A2M: variants seen among roughly 807,000 people sequenced by gnomAD.
A2M encodes the protein C3 and PZP-like alpha-2-macroglobulin domain-containing protein 5.
Under a neutral mutation model 183.9 loss-of-function variants are expected in A2M, and 128 were observed. The ratio of observed to expected loss-of-function variants is 0.70; its 90% confidence interval spans 0.60 to 0.81. A2M has a LOEUF of 0.81. Ranked by LOEUF, A2M falls within the 30% of genes least tolerant of loss-of-function variation. The pLI, the probability that A2M is intolerant of heterozygous loss-of-function variation, is 0.00. For missense variants in A2M, 1,495 were observed against 1,787.6 expected, an observed-to-expected ratio of 0.84 and a Z score of 2.95; for synonymous variants, 592 against 670.8, an observed-to-expected ratio of 0.88 and a Z score of 1.81.
intron 25 of A2M, 94 bp downstream of exon 25, chr12:9,079,150 C>T: frequency 1.1e-6 from 1 of 950,802 alleles, no homozygotes; most frequent in South Asian, 1.6e-5. Flanking sequence ...TCTGATAATA[C>T]ATATCTGATA....
intron 25 of A2M, among the ~76,000 whole-genome samples, chr12:9,078,680 G>A (rs1368278876): frequency 1.3e-5 from 2 of 152,174 alleles, no homozygotes; most frequent in African/African-American, 4.8e-5. Context: ...ATTTTTGTTA[G>A]TTACTTGAGT....
At chr12:9,103,664 T>C (rs1005671070) in intron 11 of A2M, among the ~76,000 whole-genome samples, 6 of 152,198 alleles carry the variant, frequency 3.9e-5, no homozygotes, top group Non-Finnish European at 7.3e-5. Flanking sequence ...TCATACAGTA[T>C]TGGTCTTTTT....
rs902450106 is a variant in A2M at position 9,084,936 on chromosome 12, A to G, written c.2770+4264T>C. 4.6e-5 allele frequency among the ~76,000 whole-genome samples: 7 copies of G among 152,280 alleles called. No homozygotes were observed. In the South Asian group the frequency reaches 6.2e-4, roughly 14 times the overall value. Reference sequence around the variant, plus strand: ...CAAAAACTGTACAAAGAGACAAAGGAGAACATTATATAATGATAAAAGGGT... The same window carrying G: ...CAAAAACTGTACAAAGAGACAAAGGGGAACATTATATAATGATAAAAGGGT... On this transcript the variant is annotated intron_variant, in intron 22 of 35. Transcript: ENST00000318602.
chr12:9,083,043 A>G (rs749864204), intron 22 of A2M, among the ~76,000 whole-genome samples: 4 of 152,304 alleles, frequency 2.6e-5, no homozygotes, highest in African/African-American at 4.8e-5. Flanking sequence ...CAACAGTGTA[A>G]AAGTGTTCCT....
rs941297253 is a variant in A2M, at chr12:9,113,522, G to A, written c.108C>T (p.Pro36=). 2 of 1,613,872 alleles carry A rather than the reference G, an allele frequency of 1.2e-6. No individual in the cohort carries two copies. Among genetic ancestry groups the A allele is most frequent in the Non-Finnish European group, 8.5e-7 (1 of 1,179,896 alleles). The part of the protein sequence containing the change: ...SGKPQYMVLV[P]SLLHTETTEK... ...CAGTGGTCTCAGTGTGGAGCAGGGA[G>A]GGGACCAGAACCATATACTGCCTGG... The change falls in exon 2 of 36, where the codon CCC becomes CCT. Residue 36 remains proline (P), a synonymous_variant. Coordinates refer to ENST00000318602, the MANE Select transcript of A2M (RefSeq NM_000014.6).
In A2M at chr12:9,095,702, T is replaced by G; in HGVS notation, c.1852-2A>C. The G allele has an allele frequency of 6.4e-7, 1 of 1,561,914 alleles. No homozygotes were observed. The highest frequency in any genetic ancestry group is 8.7e-7 in the Non-Finnish European group (1 of 1,155,052). ...CTTTTCTGGTAGCAGGTTGTAAACC[T>G]GTACAAATACGAAAGACAAAAAGGC... On this transcript the variant is annotated splice_acceptor_variant, in intron 15 of 35. Transcript: ENST00000318602. LOFTEE classifies it high-confidence loss of function.
chr12:9,113,538 T>C lies in A2M; in HGVS notation c.92A>G (p.Tyr31Cys). The change falls in exon 2 of 36, where the codon TAT becomes TGT. Residue 31 changes from tyrosine to cysteine, a missense_variant. Coordinates refer to ENST00000318602, the MANE Select transcript of A2M (RefSeq NM_000014.6). Reference protein sequence around the residue: ...TDASVSGKPQYMVLVPSLLHT... With the variant: ...TDASVSGKPQCMVLVPSLLHT... ...GAGCAGGGAGGGGACCAGAACCATA[T>C]ACTGCCTGGGAATGAGACGGTTCAG... is the stretch of plus-strand genomic sequence containing the variant. 1.2e-6 allele frequency: 2 copies of C among 1,613,578 alleles called. No homozygotes were observed. Among genetic ancestry groups the C allele is most frequent in the Non-Finnish European group, 1.7e-6 (2 of 1,179,772 alleles).
intron 5 of A2M, 71 bp from the exon 6 acceptor site, chr12:9,110,106 A>G: frequency 2.0e-6 from 3 of 1,507,342 alleles, no homozygotes; most frequent in Non-Finnish European, 2.7e-6. Context: ...ATATCTATGG[A>G]AACCCTAAGT....
intron 26 of A2M, 100 bp from the exon 27 acceptor site, chr12:9,077,520 A>G: frequency 2.1e-6 from 3 of 1,457,842 alleles, no homozygotes; most frequent in Middle Eastern, 1.7e-4. Context: ...CCTTACCCAT[A>G]TCCATCCCTA....
chr12:9,070,299 T>TC (rs1948529933), intron 32 of A2M, among the ~76,000 whole-genome samples, 189 bp downstream of exon 32: 1 of 152,202 alleles, frequency 6.6e-6, no homozygotes, highest in African/African-American at 2.4e-5. Flanking sequence ...TAGTCATGGG[T>TC]CCTAGCACAG....
chr12:9,097,500 A>G (rs978048024), intron 15 of A2M, among the ~76,000 whole-genome samples: 9 of 152,182 alleles, frequency 5.9e-5, no homozygotes, highest in African/African-American at 2.2e-4. Context: ...CCATATTTTC[A>G]AAGAGTTCAG....
At chr12:9,110,222 G>A in intron 5 of A2M, 92 bp downstream of exon 5, 1 of 1,195,928 alleles carries the variant, frequency 8.4e-7, no homozygotes, top group Non-Finnish European at 1.2e-6. Context: ...TTAATGACAA[G>A]TTTCTGAGAT....
chr12:9,083,094 C>T (rs1948953379), intron 22 of A2M, among the ~76,000 whole-genome samples: 1 of 152,116 alleles, frequency 6.6e-6, no homozygotes, highest in South Asian at 2.1e-4. Context: ...TTTCCTGGGA[C>T]ATGGATGAAG....
chr12:9,106,657 A>C, intron 8 of A2M, 52 bp from the exon 9 acceptor site: 1 of 914,282 alleles, frequency 1.1e-6, no homozygotes, highest in Admixed American at 2.2e-5. Flanking sequence ...TATACTAAAT[A>C]GATCAGTGGT....
At chr12:9,102,966 T>C (rs772627558) in intron 11 of A2M, among the ~76,000 whole-genome samples, 5 of 152,188 alleles carry the variant, frequency 3.3e-5, no homozygotes, top group Non-Finnish European at 7.4e-5. Context: ...GATTATGTAA[T>C]ATATATTAAA....
At chr12:9,103,567 T>C (rs370152330) in intron 11 of A2M, among the ~76,000 whole-genome samples, 1 of 152,102 alleles carries the variant, frequency 6.6e-6, no homozygotes, top group African/African-American at 2.4e-5. Context: ...GAATTCCCCA[T>C]TTCTCTCTTT....
chr12:9,076,862 G>A lies in A2M; in HGVS notation c.3426C>T (p.Ser1142=). Residue 1142 remains serine, a synonymous_variant, in exon 28 of 36, where the codon AGC becomes AGT. Transcript: ENST00000318602. ...WKTAQEGDHG[S]HVYTKALLAY... is the part of the protein sequence containing the mutation. ...CCAGCAGTGCTTTGGTATATACATGGCTGCCATGGTCCCCTTCTTGTGCTG... is the reference window on the plus strand; with the variant it reads ...CCAGCAGTGCTTTGGTATATACATGACTGCCATGGTCCCCTTCTTGTGCTG... 1 of 1,613,674 alleles carries A rather than the reference G, an allele frequency of 6.2e-7. No homozygotes were observed. The highest frequency in any genetic ancestry group is 8.5e-7 in the Non-Finnish European group (1 of 1,179,856).
At chr12:9,098,833 TC>T (rs1028074885) in intron 14 of A2M, 77 bp from the exon 15 acceptor site, 31 of 1,515,154 alleles carry the variant, frequency 2.0e-5, no homozygotes, top group Admixed American at 3.8e-5. Context: ...TGCAGAGTGT[TC>T]CTCATGTACA....
intron 17 of A2M, among the ~76,000 whole-genome samples, chr12:9,094,635 G>T (rs1295099441): frequency 6.6e-6 from 1 of 152,000 alleles, no homozygotes; most frequent in Non-Finnish European, 1.5e-5. Flanking sequence ...ATTGATGAAT[G>T]TGTGTGGTTC....
Sources: gnomAD v4.1 joint callset for allele counts (sites outside exome capture counted in the v4.1 genomes callset) on GRCh38, gnomAD v4.1.1 for gene constraint, MANE v1.5 for transcripts, NCBI Gene and HGNC (gene_info 2026-07-23, HGNC 2026-07-21) for gene names.